IMMT: variants seen among roughly 807,000 people sequenced by gnomAD.
IMMT encodes inner membrane mitochondrial protein.
Under a neutral mutation model 92.7 loss-of-function variants are expected in IMMT, and 40 were observed. That is an observed-to-expected ratio of 0.43 (90% CI 0.34 to 0.56). The LOEUF (loss-of-function observed/expected upper bound fraction) is 0.56. Among genes scored for constraint, IMMT ranks in the 20% least tolerant of loss-of-function variants. The pLI, the probability that IMMT is intolerant of heterozygous loss-of-function variation, is 0.03. For synonymous variants in IMMT, 322 were observed against 336.1 expected, an observed-to-expected ratio of 0.96 and a Z score of 0.46; for missense variants, 831 against 912.1, an observed-to-expected ratio of 0.91 and a Z score of 1.14.
At position 86,179,483 on chromosome 2, in the gene IMMT, C is replaced by T. The variant is rs753773498; in HGVS notation, c.259G>A (p.Glu87Lys). The change falls in exon 3 of 15, where the codon GAG becomes AAG. Residue 87 changes from glutamate (E) to lysine (K), a missense_variant. Coordinates refer to ENST00000410111, the MANE Select transcript of IMMT (RefSeq NM_006839.3). The part of the protein sequence containing the change: ...KTIPYSDKLF[E>K]MVLGPAAYNV... ...TAAGCTGCAGGACCAAGAACCATCT[C>T]GAAGAGTTTGTCTGAGTAAGGTATG... is the stretch of plus-strand genomic sequence containing the variant. The T allele has an allele frequency of 6.2e-6, 10 of 1,612,954 alleles. No individual in the cohort carries two copies. In the East Asian group the frequency reaches 1.1e-4, roughly 18 times the overall value.
At chr2:86,192,880 G>A (rs1226170709) in intron 1 of IMMT, 1 of 153,406 alleles carries the variant, frequency 6.5e-6, no homozygotes, top group Non-Finnish European at 1.5e-5. Flanking sequence ...AGATTACCAG[G>A]AGAATCTGAG....
At chr2:86,184,703 C>T (rs956034291) in intron 1 of IMMT, among the ~76,000 whole-genome samples, 1 of 150,358 alleles carries the variant, frequency 6.7e-6, no homozygotes, top group East Asian at 2.0e-4. Flanking sequence ...GCCTAATGGC[C>T]TTCCAGAGCC....
At chr2:86,177,345 GT>G (rs201261261) in intron 3 of IMMT, among the ~76,000 whole-genome samples, 4,279 of 152,110 alleles carry the variant, frequency 0.028, 76 homozygotes, top group South Asian at 0.045. Context: ...GCTCACGCCT[GT>G]AATCCCAGCA....
chr2:86,187,747 C>T (rs13010906), intron 1 of IMMT, among the ~76,000 whole-genome samples: 70,552 of 151,190 alleles, frequency 0.47, 16,879 homozygotes, highest in Non-Finnish European at 0.51. Flanking sequence ...CCCGCGTCTC[C>T]AGTAAAAATA....
chr2:86,161,359 A>G (rs1420709538), intron 8 of IMMT, among the ~76,000 whole-genome samples: 2 of 151,196 alleles, frequency 1.3e-5, no homozygotes, highest in South Asian at 2.1e-4. Flanking sequence ...ACAGGGTCTC[A>G]CCATGTTGGC....
At chr2:86,171,386 G>T in intron 4 of IMMT, 41 bp from the exon 5 acceptor site, 1 of 1,580,936 alleles carries the variant, frequency 6.3e-7, no homozygotes, top group Non-Finnish European at 8.6e-7. Flanking sequence ...ACTTTCCTGG[G>T]TTAACAGAGA....
Position 86,158,726 on chromosome 2 carries a change from G to A in IMMT, c.1033-5C>T. 6.3e-7 allele frequency: 1 copy of A among 1,597,750 alleles called. No homozygotes were observed. Among genetic ancestry groups the A allele is most frequent in the East Asian group, 2.2e-5 (1 of 44,560 alleles). On this transcript the variant is annotated splice_region_variant and splice_polypyrimidine_tract_variant and intron_variant, in intron 9 of 14. Coordinates refer to ENST00000410111, the MANE Select transcript of IMMT (RefSeq NM_006839.3). The stretch of plus-strand genomic sequence containing the variant: ...CTCAGACTGAGCTGCTTGGACCTGA[G>A]CAAATACACAGGGTATGTGATTAAA...
chr2:86,174,005 G>A (rs1341939451), intron 3 of IMMT, among the ~76,000 whole-genome samples: 2 of 152,076 alleles, frequency 1.3e-5, no homozygotes, highest in Admixed American at 1.3e-4. Context: ...TTCTATTAGG[G>A]TGACCAATAA....
intron 3 of IMMT, among the ~76,000 whole-genome samples, chr2:86,175,424 T>C (rs1677370096): frequency 6.6e-6 from 1 of 152,146 alleles, no homozygotes; most frequent in Non-Finnish European, 1.5e-5. Context: ...ACTATCTTAA[T>C]GTAATTTGGT....
At chr2:86,160,758 C>T (rs1333152749) in intron 8 of IMMT, among the ~76,000 whole-genome samples, 3 of 152,178 alleles carry the variant, frequency 2.0e-5, no homozygotes, top group African/African-American at 4.8e-5. Context: ...TCAAGGTCAA[C>T]GTGGCATACC....
chr2:86,190,938 G>A (rs1485534761), intron 1 of IMMT, among the ~76,000 whole-genome samples: 10 of 152,160 alleles, frequency 6.6e-5, no homozygotes, highest in African/African-American at 9.7e-5. Context: ...GCAGTGAGCC[G>A]AGATTGCACC....
chr2:86,185,372 TAG>T (rs1672704395), intron 1 of IMMT, among the ~76,000 whole-genome samples: 1 of 152,266 alleles, frequency 6.6e-6, no homozygotes, highest in Non-Finnish European at 1.5e-5. Flanking sequence ...TGTTTTCAAA[TAG>T]ATTCTCAAAT....
rs1490944919 is a variant in IMMT, at chr2:86,166,540, T to C, written c.760A>G (p.Asn254Asp). ...AAVQAVNAHS[N>D]ILKAAMDNSE... is the part of the protein sequence containing the mutation. ...TTGTCCATGGCGGCTTTCAATATGTTGGAGTGTGCATTGACAGCCTGGACC... is the reference window on the plus strand; with the variant it reads ...TTGTCCATGGCGGCTTTCAATATGTCGGAGTGTGCATTGACAGCCTGGACC... Residue 254 changes from asparagine to aspartate, a missense_variant, in exon 7 of 15, where the codon AAC becomes GAC. Coordinates refer to ENST00000410111, the MANE Select transcript of IMMT (RefSeq NM_006839.3). 1.2e-6 allele frequency: 2 copies of C among 1,612,932 alleles called. No homozygotes were observed. The highest frequency in any genetic ancestry group is 2.2e-5 in the South Asian group (2 of 91,008).
chr2:86,171,282 G>A lies in IMMT; in HGVS notation c.485C>T (p.Ala162Val), dbSNP rs1417732814. ...AGDTLSVPAP[A>V]VQPEESLKTD... ...TTTTAAAGATTCCTCAGGCTGAACTGCAGGGGCTGGGACCGACAGGGTATC... is the reference window on the plus strand; with the variant it reads ...TTTTAAAGATTCCTCAGGCTGAACTACAGGGGCTGGGACCGACAGGGTATC... Residue 162 changes from alanine to valine, a missense_variant, in exon 5 of 15, where the codon GCA becomes GTA. Ala to Val is a moderately conservative substitution (Grantham distance 64). Transcript: ENST00000410111. The A allele has an allele frequency of 6.2e-7, 1 of 1,609,876 alleles. No homozygotes were observed. The highest frequency in any genetic ancestry group is 2.2e-5 in the East Asian group (1 of 44,836).
At chr2:86,180,071 T>G (rs1672328612) in intron 2 of IMMT, among the ~76,000 whole-genome samples, 1 of 151,304 alleles carries the variant, frequency 6.6e-6, no homozygotes, top group South Asian at 2.1e-4. Flanking sequence ...GAACAAGACC[T>G]TGTCTCAAAA....
At chr2:86,161,639 G>T (rs185977414) in intron 8 of IMMT, among the ~76,000 whole-genome samples, 2 of 150,092 alleles carry the variant, frequency 1.3e-5, no homozygotes, top group African/African-American at 2.5e-5. Context: ...TCAGCCTCTC[G>T]AGTAGCTGGG....
rs1322369675 is a variant in IMMT at position 86,170,746 on chromosome 2, T to C, written c.655+3A>G. The C allele has an allele frequency of 5.1e-6, 8 of 1,564,856 alleles. No homozygotes were observed. Among genetic ancestry groups the C allele is most frequent in the East Asian group, 2.3e-5 (1 of 43,466 alleles). On this transcript the variant is annotated splice_donor_region_variant and intron_variant, in intron 6 of 14. Coordinates refer to ENST00000410111, the MANE Select transcript of IMMT (RefSeq NM_006839.3). Reference sequence around the variant, plus strand: ...TCCTTAAGAAGCTGTCTGGTTTACATACACTCAATTTTAACTTGTTCTTGT... The same window carrying C: ...TCCTTAAGAAGCTGTCTGGTTTACACACACTCAATTTTAACTTGTTCTTGT...
intron 9 of IMMT, 123 bp downstream of exon 9, chr2:86,159,413 G>A (rs1001066573): frequency 8.0e-6 from 7 of 878,976 alleles, no homozygotes; most frequent in South Asian, 1.4e-5. Flanking sequence ...CAGTAACAAC[G>A]AATACACTTT....
chr2:86,144,313 A>G lies in IMMT; in HGVS notation c.2232T>C (p.Tyr744=), dbSNP rs747304136. The stretch of plus-strand genomic sequence containing the variant: ...TGGTTCCTATTCCTACGGCGCTGGC[A>G]TATGCTGTCAGGATTTCCACTATCT... ...TKQIVEILTA[Y]ASAVGIGTTQ... Residue 744 remains tyrosine (Y), a synonymous_variant, in exon 15 of 15, where the codon TAT becomes TAC. Coordinates refer to ENST00000410111, the MANE Select transcript of IMMT (RefSeq NM_006839.3). 3 of 1,613,804 alleles carry G rather than the reference A, an allele frequency of 1.9e-6. No homozygotes were observed. Among genetic ancestry groups the G allele is most frequent in the African/African-American group, 2.7e-5 (2 of 74,888 alleles).
Sources: allele counts gnomAD v4.1 joint callset (sites outside exome capture counted in the v4.1 genomes callset), GRCh38; gene constraint gnomAD v4.1.1; transcripts MANE v1.5; gene names NCBI Gene and HGNC (gene_info 2026-07-23, HGNC 2026-07-21).